Variants in ZC3H6 observed in about 807,000 individuals in gnomAD.
ZC3H6 encodes the protein zinc finger CCCH domain-containing protein 6.
ZC3H6 carries 40 observed loss-of-function variants against 107.7 expected under a neutral mutation model. That is an observed-to-expected ratio of 0.37 (90% CI 0.29 to 0.48). The LOEUF (loss-of-function observed/expected upper bound fraction) is 0.48. ZC3H6 is among the 20% of genes least tolerant of loss of function. The pLI is 0.98. For synonymous variants in ZC3H6, 493 were observed against 487.9 expected (o/e 1.01, Z -0.14); for missense variants, 1,267 against 1,410.4 (o/e 0.90, Z 1.63).
At chr2:112,295,657 T>A (rs1035827409) in intron 1 of ZC3H6, among the ~76,000 whole-genome samples, 2 of 152,204 alleles carry the variant, frequency 1.3e-5, no homozygotes, top group African/African-American at 4.8e-5. Context: ...TATTTTTCTC[T>A]ATTTCCTCTT....
Position 112,324,453 on chromosome 2 carries a change from G to A in ZC3H6, c.1642G>A (p.Gly548Ser). ...CACATCTTTGACACCACCAAGTATG[G>A]GTGGGGCTTACCACTCCCCAGGCTT... The part of the protein sequence containing the change: ...PDTSLTPPSM[G>S]GAYHSPGFPG... Residue 548 changes from glycine to serine, a missense_variant, in exon 10 of 12, where the codon GGT becomes AGT. Around this residue, in one of 3 missense-constraint regions of ZC3H6, gnomAD observed 925 missense variants for 1,025.7 expected, o/e 0.90. Transcript: ENST00000409871. The A allele has an allele frequency of 6.2e-7, 1 of 1,613,936 alleles. No individual in the cohort carries two copies. Among genetic ancestry groups the A allele is most frequent in the African/African-American group, 1.3e-5 (1 of 75,036 alleles).
At chr2:112,279,636 G>GC (rs573276520) in intron 1 of ZC3H6, among the ~76,000 whole-genome samples, 1,804 of 151,966 alleles carry the variant, frequency 0.012, 10 homozygotes, top group Admixed American at 0.02. Flanking sequence ...GTGGTTTATG[G>GC]CCCCCCATAT....
intron 2 of ZC3H6, among the ~76,000 whole-genome samples, chr2:112,301,651 A>G (rs760541961): frequency 4.0e-4 from 61 of 152,312 alleles, no homozygotes; most frequent in African/African-American, 6.0e-4. Flanking sequence ...AAAGCATATG[A>G]AAAATTTAAC....
intron 4 of ZC3H6, among the ~76,000 whole-genome samples, chr2:112,310,637 C>A (rs1175560993): frequency 2.0e-5 from 3 of 152,164 alleles, no homozygotes; most frequent in Non-Finnish European, 2.9e-5. Flanking sequence ...TGTTTATCTG[C>A]AATATTGAAT....
At chr2:112,291,401 T>G (rs1676112940) in intron 1 of ZC3H6, among the ~76,000 whole-genome samples, 1 of 152,174 alleles carries the variant, frequency 6.6e-6, no homozygotes, top group Non-Finnish European at 1.5e-5. Flanking sequence ...TCCTGGCCAA[T>G]TTTTGTAGTT....
chr2:112,279,278 A>C (rs965044479), intron 1 of ZC3H6, among the ~76,000 whole-genome samples: 2 of 152,196 alleles, frequency 1.3e-5, no homozygotes, highest in Non-Finnish European at 2.9e-5. Flanking sequence ...GACCCAATTA[A>C]AACAATTCAC....
chr2:112,331,004 G>C lies in ZC3H6; in HGVS notation c.2087-1G>C. On this transcript the variant is annotated splice_acceptor_variant, in intron 11 of 11. Transcript: ENST00000409871. LOFTEE classifies it high-confidence loss of function. ...TATAATAAGTTTTTGTCTGCATTTA[G>C]ATGATACAGTTAACTGGTATTCCAG... 6.8e-7 allele frequency: 1 copy of C among 1,471,766 alleles called. No individual in the cohort carries two copies. The highest frequency in any genetic ancestry group is 9.0e-7 in the Non-Finnish European group (1 of 1,116,270). The allele number at this position is 1,471,766 out of a possible 1,614,324, so 91.2% of individuals were successfully genotyped here.
chr2:112,296,332 A>G (rs892293240), intron 1 of ZC3H6, among the ~76,000 whole-genome samples: 1 of 152,082 alleles, frequency 6.6e-6, no homozygotes, highest in Non-Finnish European at 1.5e-5. Context: ...CATTATGTCT[A>G]TAAGATTCCT....
rs1042826125 is a variant in ZC3H6, at chr2:112,333,111, G to A, written c.*623G>A. The A allele has an allele frequency of 1.3e-5, 2 of 152,544 alleles. No individual in the cohort carries two copies. The highest frequency in any genetic ancestry group is 4.8e-5 in the African/African-American group (2 of 41,432). The allele number at this position is 152,544 out of a possible 1,614,324, so 9.4% of individuals were successfully genotyped here. A position where few individuals can be genotyped will look rare whatever the true frequency, so the allele number is the denominator to read the frequency against. ...TTTTATTGTATACTGTATCATAGAA[G>A]TTGGAGGTATATAAATAGAACATTT... On this transcript the variant is annotated 3_prime_UTR_variant, in exon 12 of 12. Transcript: ENST00000409871.
chr2:112,277,119 A>G (rs190195723), intron 1 of ZC3H6, among the ~76,000 whole-genome samples: 99 of 152,322 alleles, frequency 6.5e-4, no homozygotes, highest in African/African-American at 2.2e-3. Context: ...ATACCTAGCA[A>G]TCTTGAGAGG....
rs1320142966 is a variant in ZC3H6, at chr2:112,332,614, A to G, written c.*126A>G. 1 of 916,832 alleles carries G rather than the reference A, an allele frequency of 1.1e-6. No individual in the cohort carries two copies. The highest frequency in any genetic ancestry group is 2.6e-5 in the East Asian group (1 of 37,806). 56.8% of individuals were successfully genotyped at this position (916,832 alleles called of 1,614,324 possible). On this transcript the variant is annotated 3_prime_UTR_variant, in exon 12 of 12. Transcript: ENST00000409871. Reference sequence around the variant, plus strand: ...TAAACACTTTTCAGCTGCTAGTATCAGAACCACATGAAGTTATAGCCTCTA... The same window carrying G: ...TAAACACTTTTCAGCTGCTAGTATCGGAACCACATGAAGTTATAGCCTCTA...
chr2:112,328,988 T>C (rs1676968430), intron 11 of ZC3H6, among the ~76,000 whole-genome samples: 1 of 152,108 alleles, frequency 6.6e-6, no homozygotes, highest in Non-Finnish European at 1.5e-5. Flanking sequence ...AGTTTTATGT[T>C]TTCATAAACA....
rs1020194236 is a variant in ZC3H6 at position 112,333,711 on chromosome 2, A to G, written c.*1223A>G. 6.6e-6 allele frequency: 1 copy of G among 152,092 alleles called. No homozygotes were observed. The highest frequency in any genetic ancestry group is 2.4e-5 in the African/African-American group (1 of 41,436). 9.4% of individuals were successfully genotyped at this position (152,092 alleles called of 1,614,324 possible). A position where few individuals can be genotyped will look rare whatever the true frequency, so the allele number is the denominator to read the frequency against. On this transcript the variant is annotated 3_prime_UTR_variant, in exon 12 of 12. Coordinates refer to ENST00000409871, the MANE Select transcript of ZC3H6 (RefSeq NM_198581.3). ...AACTGAATCTAAGTATTAGACTGCT[A>G]CTCATATTTTGAACTGCAGGTGTAG...
intron 1 of ZC3H6, among the ~76,000 whole-genome samples, chr2:112,282,994 A>G (rs1343431804): frequency 6.6e-6 from 1 of 152,042 alleles, no homozygotes; most frequent in African/African-American, 2.4e-5. Flanking sequence ...ACTCACCTCC[A>G]TATTTCTGGT....
intron 1 of ZC3H6, among the ~76,000 whole-genome samples, chr2:112,287,782 T>G (rs1273875863): frequency 2.7e-4 from 41 of 152,174 alleles, no homozygotes; most frequent in Admixed American, 2.7e-3. Flanking sequence ...TTTTGTATTT[T>G]TAGTAGAGAC....
At position 112,310,031 on chromosome 2, in the gene ZC3H6, G is replaced by C; in HGVS notation, c.483G>C (p.Gln161His). 3 of 1,613,536 alleles carry C rather than the reference G, an allele frequency of 1.9e-6. No individual in the cohort carries two copies. Among genetic ancestry groups the C allele is most frequent in the Non-Finnish European group, 2.5e-6 (3 of 1,179,720 alleles). Residue 161 changes from glutamine to histidine, a missense_variant, in exon 4 of 12, where the codon CAG becomes CAC. By Grantham distance (24) the Gln-to-His change is conservative. Around this residue, in one of 3 missense-constraint regions of ZC3H6, gnomAD observed 337 missense variants for 361.2 expected, o/e 0.93. Transcript: ENST00000409871. ...ATGACAACTTTGGTAACTACGGTCA[G>C]GAAACAGAGGAAGATTTTGCCAATC... Reference protein sequence around the residue: ...YSDDNFGNYGQETEEDFANQL... With the variant: ...YSDDNFGNYGHETEEDFANQL...
At chr2:112,302,382 T>C (rs1011844711) in intron 2 of ZC3H6, among the ~76,000 whole-genome samples, 6 of 152,140 alleles carry the variant, frequency 3.9e-5, no homozygotes, top group South Asian at 4.1e-4. Flanking sequence ...CAATTTGTCT[T>C]TCCTAAAATA....
chr2:112,288,214 T>TC (rs1354951162), intron 1 of ZC3H6, among the ~76,000 whole-genome samples: 1 of 152,202 alleles, frequency 6.6e-6, no homozygotes, highest in African/African-American at 2.4e-5. Context: ...TTCATTTTTT[T>TC]TTTTTAAACC....
intron 1 of ZC3H6, among the ~76,000 whole-genome samples, chr2:112,290,953 C>CGTCATT (rs10682532): frequency 0.69 from 105,104 of 151,696 alleles, 34,452 homozygotes; most frequent in African/African-American, 0.91. Flanking sequence ...CAGGTAATAT[C>CGTCATT]ATCAGGACCC....
Sources: allele counts gnomAD v4.1 joint callset (sites outside exome capture counted in the v4.1 genomes callset), GRCh38; gene constraint gnomAD v4.1.1; regional missense constraint gnomAD v4.1.1; transcripts MANE v1.5; gene names NCBI Gene and HGNC (gene_info 2026-07-23, HGNC 2026-07-21).